The following IPO13 variants were observed in gnomAD, a reference collection of about 807,000 sequenced individuals.
The protein encoded by IPO13 is importin 13, also known as importin-13.
Under a neutral mutation model 115.5 loss-of-function variants are expected in IPO13, and 28 were observed. That is an observed-to-expected ratio of 0.24 (90% CI 0.18 to 0.33). The LOEUF is 0.33. Among genes scored for constraint, IPO13 ranks in the 10% least tolerant of loss-of-function variants. The pLI is 1.00. For synonymous variants in IPO13, 414 were observed against 478.9 expected (o/e 0.86, Z 1.77); for missense variants, 785 against 1,204.6 (o/e 0.65, Z 5.16).
In IPO13 at chr1:43,958,565, C is replaced by G. The variant is rs766338877; in HGVS notation, c.1854C>G (p.Ile618Met). The G allele has an allele frequency of 6.2e-7, 1 of 1,614,112 alleles. No individual in the cohort carries two copies. Among genetic ancestry groups the G allele is most frequent in the South Asian group, 1.1e-5 (1 of 91,076 alleles). ...KNLHSLISPY[I>M]QQLEKLAEEI... ...TGCACTCGCTTATCTCACCCTATAT[C>G]CAGCAACTGGAGAAGCTGGCAGAGG... Residue 618 changes from isoleucine (I) to methionine (M), a missense_variant, in exon 10 of 20, where the codon ATC (isoleucine) becomes ATG (methionine). Coordinates refer to ENST00000372343, the MANE Select transcript of IPO13 (RefSeq NM_014652.4). The surrounding 1 kb of genome is among the most constrained non-coding windows in gnomAD (Gnocchi z 6.3).
chr1:43,958,947 C>CAG lies in IPO13; in HGVS notation c.2028+58_2028+59insAG. 1 of 1,510,746 alleles carries CAG rather than the reference C, an allele frequency of 6.6e-7. No individual in the cohort carries two copies. Among genetic ancestry groups the CAG allele is most frequent in the Non-Finnish European group, 9.2e-7 (1 of 1,092,278 alleles). 93.6% of individuals were successfully genotyped at this position (1,510,746 alleles called of 1,614,324 possible). On this transcript the variant is annotated intron_variant, in intron 11 of 19. Coordinates refer to ENST00000372343, the MANE Select transcript of IPO13 (RefSeq NM_014652.4). This position sits in a 1 kb window ranked among gnomAD's most constrained non-coding sequence, Gnocchi z 6.3. ...GTCTTTGCCATCCCCCCAACCCCCA[C>CAG]CTGTGGGAATGTCATTGTCACTCTT... is the stretch of plus-strand genomic sequence containing the variant.
chr1:43,947,608 G>T lies in IPO13; in HGVS notation c.8G>T (p.Arg3Leu). ...GCCAGGGAGGGAGCAAAGATGGAGC[G>T]GCGGGAGGAGCAGCCGGGGGCTGCA... Reference protein sequence around the residue: MERREEQPGAAGA... With the variant: MELREEQPGAAGA... Residue 3 changes from arginine (R) to leucine (L), a missense_variant, in exon 1 of 20, where the codon CGG becomes CTG. Arg to Leu is a moderately radical substitution (Grantham distance 102). Transcript: ENST00000372343. 1 of 1,314,516 alleles carries T rather than the reference G, an allele frequency of 7.6e-7. No homozygotes were observed. Among genetic ancestry groups the T allele is most frequent in the Non-Finnish European group, 9.8e-7 (1 of 1,024,538 alleles). 81.4% of individuals were successfully genotyped at this position (1,314,516 alleles called of 1,614,324 possible).
Position 43,956,495 on chromosome 1 carries a change from G to A in IPO13, c.962+35G>A, listed in dbSNP as rs748758068. The A allele has an allele frequency of 1.2e-6, 2 of 1,614,048 alleles. No individual in the cohort carries two copies. The highest frequency in any genetic ancestry group is 1.1e-5 in the South Asian group (1 of 91,078). On this transcript the variant is annotated intron_variant, in intron 3 of 19. Coordinates refer to ENST00000372343, the MANE Select transcript of IPO13 (RefSeq NM_014652.4). This position sits in a 1 kb window ranked among gnomAD's most constrained non-coding sequence, Gnocchi z 4.7. Reference sequence around the variant, plus strand: ...GGAGCAGCTTGGGGTGGGATAGTAGGGCCCTCTAAGAAATGGGGTTCTGGA... The same window carrying A: ...GGAGCAGCTTGGGGTGGGATAGTAGAGCCCTCTAAGAAATGGGGTTCTGGA...
At position 43,966,270 on chromosome 1, in the gene IPO13, C is replaced by T. The variant is rs541137645; in HGVS notation, c.2398-305C>T. 10 of 499,216 alleles carry T rather than the reference C, an allele frequency of 2.0e-5. No homozygotes were observed. The highest frequency in any genetic ancestry group is 7.3e-5 in the East Asian group (2 of 27,236). The allele number at this position is 499,216 out of a possible 1,614,324, so 30.9% of individuals were successfully genotyped here. A position where few individuals can be genotyped will look rare whatever the true frequency, so the allele number is the denominator to read the frequency against. ...ACCTAGAGCCTGCGAGACATCTGGCCCTGATGGAGGGGGAGGGAAAGGTGT... is the reference window on the plus strand; with the variant it reads ...ACCTAGAGCCTGCGAGACATCTGGCTCTGATGGAGGGGGAGGGAAAGGTGT... On this transcript the variant is annotated intron_variant, in intron 15 of 19. Coordinates refer to ENST00000372343, the MANE Select transcript of IPO13 (RefSeq NM_014652.4). This position sits in a 1 kb window ranked among gnomAD's most constrained non-coding sequence, Gnocchi z 4.1.
chr1:43,956,752 A>T lies in IPO13; in HGVS notation c.1104+51A>T. The T allele has an allele frequency of 6.2e-7, 1 of 1,613,676 alleles. No individual in the cohort carries two copies. The highest frequency in any genetic ancestry group is 8.5e-7 in the Non-Finnish European group (1 of 1,179,636). On this transcript the variant is annotated intron_variant, in intron 4 of 19. Transcript: ENST00000372343. The surrounding 1 kb of genome is among the most constrained non-coding windows in gnomAD (Gnocchi z 4.7). The stretch of plus-strand genomic sequence containing the variant: ...ACTGGGCTGTGGTGGAAGAAGGTGG[A>T]TCATGGGCTTCTATGACTGCTGGTG...
chr1:43,963,347 G>A (rs553300534), intron 14 of IPO13, among the ~76,000 whole-genome samples: 5 of 152,328 alleles, frequency 3.3e-5, no homozygotes, highest in South Asian at 2.1e-4. Context: ...CATCATATAC[G>A]TTGGGCTTGT....
chr1:43,956,384 G>A lies in IPO13; in HGVS notation c.886G>A (p.Ala296Thr). The A allele has an allele frequency of 6.2e-7, 1 of 1,614,188 alleles. No homozygotes were observed. The highest frequency in any genetic ancestry group is 1.1e-5 in the South Asian group (1 of 91,082). Reference protein sequence around the residue: ...VLGLQEQLRQAVQNGDMETSH... With the variant: ...VLGLQEQLRQTVQNGDMETSH... ...GGGTCTGCAGGAACAACTGCGGCAG[G>A]CAGTGCAGAATGGGGACATGGAGAC... The change falls in exon 3 of 20, where the codon GCA (alanine) becomes ACA (threonine). Residue 296 changes from alanine to threonine, a missense_variant. Coordinates refer to ENST00000372343, the MANE Select transcript of IPO13 (RefSeq NM_014652.4). The surrounding 1 kb of genome is among the most constrained non-coding windows in gnomAD (Gnocchi z 4.7).
In IPO13 at chr1:43,947,154, A is replaced by C; in HGVS notation, c.-447A>C. 1 of 398,680 alleles carries C rather than the reference A, an allele frequency of 2.5e-6. No individual in the cohort carries two copies. Among genetic ancestry groups the C allele is most frequent in the Non-Finnish European group, 4.4e-6 (1 of 226,220 alleles). 24.7% of individuals were successfully genotyped at this position (398,680 alleles called of 1,614,324 possible). A position where few individuals can be genotyped will look rare whatever the true frequency, so the allele number is the denominator to read the frequency against. ...CACGAAGGGCTCTCTCTCTCCCGTG[A>C]CCCTCCAGCCCCATGACCTGTTCAT... On this transcript the variant is annotated 5_prime_UTR_variant, in exon 1 of 20. Coordinates refer to ENST00000372343, the MANE Select transcript of IPO13 (RefSeq NM_014652.4).
rs1349604715 is a variant in IPO13 at position 43,947,054 on chromosome 1, C to A, written c.-547C>A. On this transcript the variant is annotated 5_prime_UTR_variant, in exon 1 of 20. Transcript: ENST00000372343. ...GCCGAACGGAAGGGACCTGCCACAG[C>A]CCCTCAACTCCACGGACTCTTCGCC... The A allele has an allele frequency of 2.5e-6, 1 of 398,618 alleles. No homozygotes were observed. The highest frequency in any genetic ancestry group is 4.4e-6 in the Non-Finnish European group (1 of 226,130). 24.7% of individuals were successfully genotyped at this position (398,618 alleles called of 1,614,324 possible).
chr1:43,951,785 C>T (rs1010773718), intron 2 of IPO13, among the ~76,000 whole-genome samples: 1 of 152,168 alleles, frequency 6.6e-6, no homozygotes, highest in Non-Finnish European at 1.5e-5. Flanking sequence ...AAAGAGACTT[C>T]ATGGAAGAGT....
At chr1:43,950,223 C>T in intron 2 of IPO13, 70 bp downstream of exon 2, 3 of 1,508,596 alleles carry the variant, frequency 2.0e-6, no homozygotes, top group Non-Finnish European at 2.7e-6. Flanking sequence ...TCCATCTGTT[C>T]AATAAACATT....
chr1:43,967,202 C>A lies in IPO13; in HGVS notation c.2614-113C>A, dbSNP rs1053915474. The A allele has an allele frequency of 1.1e-5, 13 of 1,223,020 alleles. No individual in the cohort carries two copies. The highest frequency in any genetic ancestry group is 1.4e-5 in the Non-Finnish European group (12 of 845,324). 75.8% of individuals were successfully genotyped at this position (1,223,020 alleles called of 1,614,324 possible). Reference sequence around the variant, plus strand: ...CAGCTGGCTCTCAAAAAGCAGCGCTCACTGTGATGTGCAGTTTGGCTTAGG... The same window carrying A: ...CAGCTGGCTCTCAAAAAGCAGCGCTAACTGTGATGTGCAGTTTGGCTTAGG... On this transcript the variant is annotated intron_variant, in intron 18 of 19. Transcript: ENST00000372343. The surrounding 1 kb of genome is among the most constrained non-coding windows in gnomAD (Gnocchi z 6.1).
chr1:43,960,354 C>T (rs1401065206), intron 12 of IPO13, 25 bp downstream of exon 12: 11 of 1,595,568 alleles, frequency 6.9e-6, no homozygotes, highest in Non-Finnish European at 9.5e-6. Flanking sequence ...TTGCCCTCCG[C>T]TCCCATAGTG....
rs1571774252 is a variant in IPO13 at position 43,967,164 on chromosome 1, T to C, written c.2613+145T>C. On this transcript the variant is annotated intron_variant, in intron 18 of 19. Coordinates refer to ENST00000372343, the MANE Select transcript of IPO13 (RefSeq NM_014652.4). The surrounding 1 kb of genome is among the most constrained non-coding windows in gnomAD (Gnocchi z 6.1). ...ATTAAATGCCTGAAAGTTGTTAGGA[T>C]TGCTGTGGGGATCAGCTGGCTCTCA... The C allele has an allele frequency of 3.7e-6, 4 of 1,095,330 alleles. No individual in the cohort carries two copies. Among genetic ancestry groups the C allele is most frequent in the East Asian group, 4.8e-5 (2 of 41,992 alleles). The allele number at this position is 1,095,330 out of a possible 1,614,324, so 67.9% of individuals were successfully genotyped here. A position where few individuals can be genotyped will look rare whatever the true frequency, so the allele number is the denominator to read the frequency against.
chr1:43,966,850 G>A lies in IPO13; in HGVS notation c.2523+68G>A. On this transcript the variant is annotated intron_variant, in intron 17 of 19. Coordinates refer to ENST00000372343, the MANE Select transcript of IPO13 (RefSeq NM_014652.4). The surrounding 1 kb of genome is among the most constrained non-coding windows in gnomAD (Gnocchi z 4.1). ...CCTCCCCTGCCCAGGACTTCAGACAGTAGGGCTGGGGTGTACAGGTCTTGT... is the reference window on the plus strand; with the variant it reads ...CCTCCCCTGCCCAGGACTTCAGACAATAGGGCTGGGGTGTACAGGTCTTGT... 2 of 1,606,126 alleles carry A rather than the reference G, an allele frequency of 1.2e-6. No individual in the cohort carries two copies. Among genetic ancestry groups the A allele is most frequent in the Non-Finnish European group, 1.7e-6 (2 of 1,173,092 alleles).
At chr1:43,962,891 C>T (rs948766277) in intron 14 of IPO13, among the ~76,000 whole-genome samples, 8 of 152,250 alleles carry the variant, frequency 5.3e-5, no homozygotes, top group African/African-American at 1.7e-4. Context: ...CTCTGCATCC[C>T]CAGTGCCCAG....
chr1:43,961,768 T>C (rs1261699697), intron 14 of IPO13, among the ~76,000 whole-genome samples: 4 of 152,172 alleles, frequency 2.6e-5, no homozygotes, highest in Admixed American at 2.6e-4. Flanking sequence ...TAAAGTCACA[T>C]CTTCTGGGCC....
Position 43,966,695 on chromosome 1 carries a change from A to C in IPO13, c.2465-29A>C. 6.2e-7 allele frequency: 1 copy of C among 1,614,146 alleles called. No homozygotes were observed. Among genetic ancestry groups the C allele is most frequent in the Non-Finnish European group, 8.5e-7 (1 of 1,180,016 alleles). Reference sequence around the variant, plus strand: ...CTGGGGCTCCCCTAGAAGGATCGTTAAACTGATCTGCCTCTGCCTTTCCCA... The same window carrying C: ...CTGGGGCTCCCCTAGAAGGATCGTTCAACTGATCTGCCTCTGCCTTTCCCA... On this transcript the variant is annotated intron_variant, in intron 16 of 19. Transcript: ENST00000372343. The surrounding 1 kb of genome is among the most constrained non-coding windows in gnomAD (Gnocchi z 4.1).
intron 15 of IPO13, among the ~76,000 whole-genome samples, chr1:43,964,787 C>T (rs745875880): frequency 4.6e-5 from 7 of 152,148 alleles, no homozygotes; most frequent in African/African-American, 1.4e-4. Context: ...GGAATGTGCG[C>T]GGTGGAGCCC....
Sources: gnomAD v4.1 joint callset for allele counts (sites outside exome capture counted in the v4.1 genomes callset) on GRCh38, gnomAD v4.1.1 for gene constraint, Gnocchi (gnomAD v3.1) non-coding constraint, MANE v1.5 for transcripts, NCBI Gene and HGNC (gene_info 2026-07-23, HGNC 2026-07-21) for gene names.